NR4A1: variants seen among roughly 807,000 people sequenced by gnomAD.
NR4A1 encodes the protein nuclear receptor subfamily 4 group A member 1.
NR4A1 carries 24 observed loss-of-function variants against 47.5 expected under a neutral mutation model. The observed-to-expected ratio is 0.50, with a 90% CI of 0.37 to 0.71. NR4A1 has a LOEUF of 0.71. NR4A1 is among the 30% of genes least tolerant of loss of function. The probability of loss-of-function intolerance (pLI) is 0.00; values close to 1 mark genes in which losing one functional copy is unlikely to be tolerated. For synonymous variants in NR4A1, 353 were observed against 345.7 expected (o/e 1.02, Z -0.24); for missense variants, 669 against 788.6 (o/e 0.85, Z 1.82).
At chr12:52,049,154 C>T (rs1380012080), upstream of NR4A1, among the ~76,000 whole-genome samples, 1 of 152,120 alleles carries the variant, frequency 6.6e-6, no homozygotes, top group Non-Finnish European at 1.5e-5. Context: ...GGGGTTGGCT[C>T]CAGGACCCCA....
At chr12:52,027,613 A>G (rs1379666249) in intron 1 of NR4A1, among the ~76,000 whole-genome samples, 1 of 152,168 alleles carries the variant, frequency 6.6e-6, no homozygotes, top group Non-Finnish European at 1.5e-5. Flanking sequence ...GCCCGCAAGG[A>G]AAGAGGAAGA....
At chr12:52,048,633 C>A (rs1319279698), upstream of NR4A1, among the ~76,000 whole-genome samples, 5 of 152,096 alleles carry the variant, frequency 3.3e-5, no homozygotes, top group Non-Finnish European at 5.9e-5. Flanking sequence ...GAAGGCCCTG[C>A]TGGGGTGGAG....
At position 52,054,814 on chromosome 12, in the gene NR4A1, G is replaced by T. The variant is rs543634623; in HGVS notation, c.486G>T (p.Ser162=). The T allele has an allele frequency of 1.2e-6, 2 of 1,613,210 alleles. No individual in the cohort carries two copies. The highest frequency in any genetic ancestry group is 1.3e-5 in the African/African-American group (1 of 74,896). The change falls in exon 2 of 7, where the codon TCG becomes TCT. Residue 162 remains serine (S), a synonymous_variant. Transcript: ENST00000394825. ...SPWDGSFGHF[S]PSQTYEGLRA... is the part of the protein sequence containing the mutation. ...GGGATGGCTCCTTCGGCCACTTCTC[G>T]CCCAGCCAGACTTACGAAGGCCTGC...
At position 52,057,133 on chromosome 12, in the gene NR4A1, G is replaced by A. The variant is rs997592995; in HGVS notation, c.1235G>A (p.Gly412Asp). The A allele has an allele frequency of 6.2e-7, 1 of 1,613,882 alleles. No individual in the cohort carries two copies. Among genetic ancestry groups the A allele is most frequent in the African/African-American group, 1.3e-5 (1 of 74,940 alleles). Residue 412 changes from glycine (G) to aspartate (D), a missense_variant, in exon 5 of 7, where the codon GGT (glycine) becomes GAT (aspartate). Transcript: ENST00000394825. ...CAGCAGTTCTACGACCTGCTCTCCG[G>A]TTCTCTGGAGGTCATCCGCAAGTGG... ...DVQQFYDLLS[G>D]SLEVIRKWAE...
At chr12:52,053,578 A>C (rs1939092911) in intron 1 of NR4A1, 1 of 152,192 alleles carries the variant, frequency 6.6e-6, no homozygotes, top group Non-Finnish European at 1.5e-5. Flanking sequence ...ACCGATGAGG[A>C]GGCCTAGGTT....
intron 1 of NR4A1, among the ~76,000 whole-genome samples, chr12:52,029,844 C>T (rs1938082063): frequency 6.6e-6 from 1 of 152,216 alleles, no homozygotes; most frequent in African/African-American, 2.4e-5. Flanking sequence ...TGAGGGTTGT[C>T]ACCGGTAACC....
At chr12:52,037,934 G>T (rs927292504) in intron 1 of NR4A1, 7 of 867,882 alleles carry the variant, frequency 8.1e-6, no homozygotes, top group African/African-American at 6.1e-5. Context: ...TTTTTTTGCC[G>T]CAACATCTTC....
chr12:52,024,277 A>G (rs1391014632), intron 1 of NR4A1, among the ~76,000 whole-genome samples: 1 of 152,242 alleles, frequency 6.6e-6, no homozygotes, highest in Non-Finnish European at 1.5e-5. Flanking sequence ...AGATTATCAC[A>G]TGCAGTGGAT....
At chr12:52,042,340 A>G (rs1426704897) in intron 2 of NR4A1, among the ~76,000 whole-genome samples, 1 of 151,892 alleles carries the variant, frequency 6.6e-6, no homozygotes, top group East Asian at 1.9e-4. Flanking sequence ...AGGTGTAGAC[A>G]CTTCTCCAGG....
At chr12:52,028,982 A>C (rs1013784182) in intron 1 of NR4A1, among the ~76,000 whole-genome samples, 7 of 152,222 alleles carry the variant, frequency 4.6e-5, no homozygotes, top group Non-Finnish European at 8.8e-5. Context: ...AAGTGAAATT[A>C]TCTCTCTAGT....
intron 1 of NR4A1, among the ~76,000 whole-genome samples, chr12:52,033,100 G>A (rs990997826): frequency 6.6e-6 from 1 of 152,224 alleles, no homozygotes; most frequent in Non-Finnish European, 1.5e-5. Flanking sequence ...CGCCGGGTGA[G>A]GTAATGGAAT....
At chr12:52,048,379 G>A (rs939001647), upstream of NR4A1, among the ~76,000 whole-genome samples, 4 of 151,858 alleles carry the variant, frequency 2.6e-5, no homozygotes, top group Non-Finnish European at 4.4e-5. Context: ...CAGATCACAA[G>A]GTCAGGAGAT....
intron 1 of NR4A1, among the ~76,000 whole-genome samples, chr12:52,023,127 A>G (rs916226639): frequency 2.6e-5 from 4 of 152,120 alleles, no homozygotes; most frequent in Admixed American, 6.5e-5. Flanking sequence ...TCTAGACCAG[A>G]GTTGGGGCTC....
chr12:52,051,634 C>A (rs1938950397), intron 1 of NR4A1, 66 bp downstream of exon 1: 1 of 955,620 alleles, frequency 1.0e-6, no homozygotes, highest in South Asian at 4.8e-5. Flanking sequence ...TGGGTGTACG[C>A]GCGGGCAGAG....
intron 1 of NR4A1, among the ~76,000 whole-genome samples, chr12:52,038,959 G>A (rs765265506): frequency 2.0e-5 from 3 of 152,198 alleles, no homozygotes; most frequent in African/African-American, 4.8e-5. Flanking sequence ...GCCTCCATCC[G>A]CTACACAGGT....
At chr12:52,024,771 A>G (rs1221916200) in intron 1 of NR4A1, among the ~76,000 whole-genome samples, 1 of 152,244 alleles carries the variant, frequency 6.6e-6, no homozygotes, top group Non-Finnish European at 1.5e-5. Context: ...CCAAAAAACT[A>G]GAGTCAGACA....
At chr12:52,037,511 A>G in intron 1 of NR4A1, 1 of 978,130 alleles carries the variant, frequency 1.0e-6, no homozygotes, top group African/African-American at 1.8e-5. Flanking sequence ...TCTTCGGTGG[A>G]TGCCTTTGGG....
At chr12:52,029,887 C>A (rs371555757) in intron 1 of NR4A1, among the ~76,000 whole-genome samples, 1 of 152,226 alleles carries the variant, frequency 6.6e-6, no homozygotes, top group Non-Finnish European at 1.5e-5. Flanking sequence ...GCAGGAGCAG[C>A]GTTACTTAGC....
chr12:52,025,797 C>T (rs1225099844), intron 1 of NR4A1, among the ~76,000 whole-genome samples: 1 of 152,164 alleles, frequency 6.6e-6, no homozygotes, highest in African/African-American at 2.4e-5. Context: ...CACCTTCCTC[C>T]CTTATAAGAG....
Sources: allele counts gnomAD v4.1 joint callset (sites outside exome capture counted in the v4.1 genomes callset), GRCh38; gene constraint gnomAD v4.1.1; transcripts MANE v1.5; gene names NCBI Gene and HGNC (gene_info 2026-07-23, HGNC 2026-07-21).